MS4A2: variants seen among roughly 807,000 people sequenced by gnomAD.
MS4A2 encodes the protein membrane spanning 4-domains A2.
A neutral mutation model predicts 27.9 loss-of-function variants in MS4A2; 26 were observed. The ratio of observed to expected loss-of-function variants is 0.93; its 90% confidence interval spans 0.68 to 1.29. The LOEUF (loss-of-function observed/expected upper bound fraction) is 1.29, where lower values mean the gene tolerates loss of function less well. MS4A2 is among the 50% of genes most tolerant of loss of function. MS4A2 has a pLI of 0.00. For missense variants in MS4A2, 284 were observed against 284.6 expected, an observed-to-expected ratio of 1.00 and a Z score of 0.01; for synonymous variants, 110 against 98.8, an observed-to-expected ratio of 1.11 and a Z score of -0.67.
chr11:60,094,499 A>G (rs1004673552), intron 6 of MS4A2, among the ~76,000 whole-genome samples: 2 of 149,402 alleles, frequency 1.3e-5, no homozygotes, highest in Admixed American at 6.6e-5. Context: ...ATTCATGACT[A>G]CCAAATGTTT....
chr11:60,093,695 C>T, intron 5 of MS4A2, 137 bp downstream of exon 5: 1 of 1,277,764 alleles, frequency 7.8e-7, no homozygotes, highest in East Asian at 2.4e-5. Context: ...TAAGTTCACA[C>T]AGCCCAGGGA....
At chr11:60,093,894 A>G in intron 5 of MS4A2, 70 bp from the exon 6 acceptor site, 3 of 1,182,514 alleles carry the variant, frequency 2.5e-6, no homozygotes, top group Non-Finnish European at 3.8e-6. Context: ...AGGAGATGCT[A>G]TAAGAAAATA....
chr11:60,093,841 T>A, intron 5 of MS4A2, 123 bp from the exon 6 acceptor site: 1 of 763,078 alleles, frequency 1.3e-6, no homozygotes, highest in East Asian at 2.7e-5. Context: ...TGTGTGTATG[T>A]GTCACTTTAA....
chr11:60,095,921 C>A lies in MS4A2; in HGVS notation c.*265C>A. Reference sequence around the variant, plus strand: ...TGCTGGAAAGTCAACATGTAGTAAGCAAGATTTAACTGTTTGATTATAACT... The same window carrying A: ...TGCTGGAAAGTCAACATGTAGTAAGAAAGATTTAACTGTTTGATTATAACT... On this transcript the variant is annotated 3_prime_UTR_variant, in exon 7 of 7. Transcript: ENST00000278888. 1 of 451,474 alleles carries A rather than the reference C, an allele frequency of 2.2e-6. No homozygotes were observed. Among genetic ancestry groups the A allele is most frequent in the Non-Finnish European group, 4.0e-6 (1 of 248,372 alleles). 28.0% of individuals were successfully genotyped at this position (451,474 alleles called of 1,614,324 possible).
Position 60,090,390 on chromosome 11 carries a change from T to C in MS4A2, c.241T>C (p.Ser81Pro). 6.2e-7 allele frequency: 1 copy of C among 1,613,500 alleles called. No individual in the cohort carries two copies. ...CCTTTGTTTTGGAACAGTTGTCTGC[T>C]CTGTACTTGATATTTCACACATTGA... ...ICLCFGTVVC[S>P]VLDISHIEGD... Residue 81 changes from serine to proline, a missense_variant, in exon 3 of 7, where the codon TCT becomes CCT. Coordinates refer to ENST00000278888, the MANE Select transcript of MS4A2 (RefSeq NM_000139.5).
Position 60,089,792 on chromosome 11 carries a change from G to A in MS4A2, c.157G>A (p.Val53Ile). 1 of 1,614,130 alleles carries A rather than the reference G, an allele frequency of 6.2e-7. No homozygotes were observed. Among genetic ancestry groups the A allele is most frequent in the Non-Finnish European group, 8.5e-7 (1 of 1,180,006 alleles). Residue 53 changes from valine (V) to isoleucine (I), a missense_variant, in exon 2 of 7, where the codon GTT becomes ATT. Coordinates refer to ENST00000278888, the MANE Select transcript of MS4A2 (RefSeq NM_000139.5). Reference protein sequence around the residue: ...SSPPLHTWLTVLKKEQEFLGV... With the variant: ...SSPPLHTWLTILKKEQEFLGV... ...CCCACCACTGCATACATGGCTGACA[G>A]TTTTGAAAAAAGAGCAGGAGTTCCT...
rs1034041255 is a variant in MS4A2, at chr11:60,096,344, G to A, written c.*688G>A. The A allele has an allele frequency of 6.6e-6, 1 of 152,106 alleles. No homozygotes were observed. The highest frequency in any genetic ancestry group is 1.5e-5 in the Non-Finnish European group (1 of 68,100). 9.4% of individuals were successfully genotyped at this position (152,106 alleles called of 1,614,324 possible). A position where few individuals can be genotyped will look rare whatever the true frequency, so the allele number is the denominator to read the frequency against. On this transcript the variant is annotated 3_prime_UTR_variant, in exon 7 of 7. Transcript: ENST00000278888. ...TAGGTTAAAAACAGGGAAATTATAA[G>A]TGCAGAGATTAACATTTCACAAATG...
In MS4A2 at chr11:60,096,635, G is replaced by A. The variant is rs1156371004; in HGVS notation, c.*979G>A. 1 of 152,188 alleles carries A rather than the reference G, an allele frequency of 6.6e-6. No homozygotes were observed. The highest frequency in any genetic ancestry group is 1.5e-5 in the Non-Finnish European group (1 of 68,068). The allele number at this position is 152,188 out of a possible 1,614,324, so 9.4% of individuals were successfully genotyped here. A position where few individuals can be genotyped will look rare whatever the true frequency, so the allele number is the denominator to read the frequency against. On this transcript the variant is annotated 3_prime_UTR_variant, in exon 7 of 7. Transcript: ENST00000278888. ...GCGGAGGCTCACGCCTGTAATCCCA[G>A]CCCTTTGGGAGGCCGAGGTGGGCAG... is the stretch of plus-strand genomic sequence containing the variant.
Position 60,095,902 on chromosome 11 carries a change from A to G in MS4A2, c.*246A>G, listed in dbSNP as rs1855861612. 2 of 506,116 alleles carry G rather than the reference A, an allele frequency of 4.0e-6. No individual in the cohort carries two copies. 31.4% of individuals were successfully genotyped at this position (506,116 alleles called of 1,614,324 possible). ...TTATGACCACACACATCTCTGCTGG[A>G]AAGTCAACATGTAGTAAGCAAGATT... On this transcript the variant is annotated 3_prime_UTR_variant, in exon 7 of 7. Transcript: ENST00000278888.
chr11:60,092,068 C>T, intron 3 of MS4A2, among the ~76,000 whole-genome samples: 1 of 151,972 alleles, frequency 6.6e-6, no homozygotes, highest in East Asian at 1.9e-4. Flanking sequence ...CCTAAAGGGG[C>T]TGATGGAAGA....
rs769199202 is a variant in MS4A2, at chr11:60,092,780, CT to C, written c.322-7del. ...AACTCATTGTGGCTTTTTTTTCCTC[CT>C]TTTTGAACAGTTTTCTATTTCTGGA... On this transcript the variant is annotated splice_polypyrimidine_tract_variant and intron_variant, in intron 3 of 6. Transcript: ENST00000278888. 8 of 1,612,106 alleles carry C rather than the reference CT, an allele frequency of 5.0e-6. No homozygotes were observed. The highest frequency in any genetic ancestry group is 1.1e-5 in the South Asian group (1 of 90,808).
intron 6 of MS4A2, among the ~76,000 whole-genome samples, chr11:60,094,595 A>G (rs1165452064): frequency 6.6e-6 from 1 of 152,130 alleles, no homozygotes; most frequent in Non-Finnish European, 1.5e-5. Flanking sequence ...GATGGAAGAA[A>G]CATACTCTCT....
rs1855803853 is a variant in MS4A2 at position 60,093,404 on chromosome 11, G to A, written c.383G>A (p.Arg128Lys). The change falls in exon 5 of 7, where the codon AGA becomes AAA. Residue 128 changes from arginine to lysine, a missense_variant. By Grantham distance (26) the Arg-to-Lys change is conservative (BLOSUM62 2). Transcript: ENST00000278888. ...AGTGTTCTTCATTATTATCAGGTGA[G>A]AGGAAGCCTGGGAGCAAACACTGCC... The part of the protein sequence containing the change: ...SERRNATYLV[R>K]GSLGANTASS... 3 of 1,614,166 alleles carry A rather than the reference G, an allele frequency of 1.9e-6. No individual in the cohort carries two copies. The highest frequency in any genetic ancestry group is 2.5e-6 in the Non-Finnish European group (3 of 1,180,030).
chr11:60,093,264 C>T (rs1855801108), intron 4 of MS4A2, 136 bp from the exon 5 acceptor site: 1 of 1,050,382 alleles, frequency 9.5e-7, no homozygotes, highest in Non-Finnish European at 1.4e-6. Context: ...CGGACATTTT[C>T]AGGGTTTCCC....
In MS4A2 at chr11:60,089,797, G is replaced by GA. The variant is rs2134691505; in HGVS notation, c.168dup (p.Glu57ArgfsTer28). 15 of 1,613,988 alleles carry GA rather than the reference G, an allele frequency of 9.3e-6. No homozygotes were observed. Among genetic ancestry groups the GA allele is most frequent in the Non-Finnish European group, 1.3e-5 (15 of 1,179,960 alleles). ...CACTGCATACATGGCTGACAGTTTT[G>GA]AAAAAAGAGCAGGAGTTCCTGGGGG... On this transcript the variant is annotated frameshift_variant, in exon 2 of 7. Transcript: ENST00000278888. LOFTEE classifies it high-confidence loss of function.
chr11:60,093,385 C>T lies in MS4A2; in HGVS notation c.379-15C>T. ...AAGTGCAGGCCCAGGTCTGAGTGTT[C>T]TTCATTATTATCAGGTGAGAGGAAG... On this transcript the variant is annotated splice_polypyrimidine_tract_variant and intron_variant, in intron 4 of 6. Transcript: ENST00000278888. The T allele has an allele frequency of 6.2e-7, 1 of 1,614,106 alleles. No homozygotes were observed. Among genetic ancestry groups the T allele is most frequent in the Non-Finnish European group, 8.5e-7 (1 of 1,180,012 alleles).
chr11:60,093,605 TGTAA>T, intron 5 of MS4A2, 47 bp downstream of exon 5: 1 of 1,608,764 alleles, frequency 6.2e-7, no homozygotes, highest in Non-Finnish European at 8.5e-7. Context: ...TGGGTCCTAA[TGTAA>T]GTAAGAAGCC....
At chr11:60,094,923 G>A (rs536880273) in intron 6 of MS4A2, among the ~76,000 whole-genome samples, 3 of 152,216 alleles carry the variant, frequency 2.0e-5, no homozygotes, top group African/African-American at 7.2e-5. Context: ...GCTGAAGCAG[G>A]AGAATCGCTT....
Position 60,095,930 on chromosome 11 carries a change from A to G in MS4A2, c.*274A>G. Reference sequence around the variant, plus strand: ...GTCAACATGTAGTAAGCAAGATTTAACTGTTTGATTATAACTGTGCAAATA... The same window carrying G: ...GTCAACATGTAGTAAGCAAGATTTAGCTGTTTGATTATAACTGTGCAAATA... On this transcript the variant is annotated 3_prime_UTR_variant, in exon 7 of 7. Transcript: ENST00000278888. The G allele has an allele frequency of 4.5e-6, 2 of 440,670 alleles. No homozygotes were observed. The highest frequency in any genetic ancestry group is 2.3e-5 in the South Asian group (1 of 42,636). 27.3% of individuals were successfully genotyped at this position (440,670 alleles called of 1,614,324 possible).
Sources: gnomAD v4.1 joint callset for allele counts (sites outside exome capture counted in the v4.1 genomes callset) on GRCh38, gnomAD v4.1.1 for gene constraint, MANE v1.5 for transcripts, NCBI Gene and HGNC (gene_info 2026-07-23, HGNC 2026-07-21) for gene names.